The following EBF3 variants were observed in gnomAD, a reference collection of about 807,000 sequenced individuals.
EBF3 encodes EBF transcription factor 3.
In EBF3, 18 loss-of-function variants were observed where a neutral mutation model predicts 77.1. That is an observed-to-expected ratio of 0.23 (90% CI 0.16 to 0.35). EBF3 has a LOEUF of 0.35. EBF3 is among the 10% of genes least tolerant of loss of function. The pLI is 1.00. For missense variants in EBF3, 558 were observed against 860.0 expected, an observed-to-expected ratio of 0.65 and a Z score of 4.39; for synonymous variants, 350 against 343.5, an observed-to-expected ratio of 1.02 and a Z score of -0.21.
chr10:129,925,739 T>C (rs1252342505), intron 6 of EBF3, among the ~76,000 whole-genome samples: 3 of 149,086 alleles, frequency 2.0e-5, no homozygotes, highest in Non-Finnish European at 4.4e-5. Context: ...ACTAAGAAAA[T>C]TGGAAAAAAA....
intron 16 of EBF3, among the ~76,000 whole-genome samples, chr10:129,838,317 AGCCCCCTCTGTCGAGAGAGGT>A (rs1310160996): frequency 6.6e-6 from 1 of 152,244 alleles, no homozygotes; most frequent in African/African-American, 2.4e-5. Context: ...GGAGGCCCGG[AGCCCCCTCTGTCGAGAGAGGT>A]GACCCAGCCT....
chr10:129,949,343 A>T (rs993414878), intron 6 of EBF3, among the ~76,000 whole-genome samples: 3 of 152,052 alleles, frequency 2.0e-5, no homozygotes, highest in African/African-American at 7.2e-5. Flanking sequence ...GAAAAAGAAA[A>T]CTTAGGGGGC....
In EBF3 at chr10:129,842,357, C is replaced by CG; in HGVS notation, c.1195-65dup. Reference sequence around the variant, plus strand: ...GGCCCGGCCCAGCTGGCCGCACTCTCGGGGGCCCACCATGGTGGCATCCCA... The same window carrying CG: ...GGCCCGGCCCAGCTGGCCGCACTCTCGGGGGGCCCACCATGGTGGCATCCCA... On this transcript the variant is annotated intron_variant, in intron 12 of 16. Coordinates refer to ENST00000440978, the MANE Select transcript of EBF3 (RefSeq NM_001375380.1). This position sits in a 1 kb window ranked among gnomAD's most constrained non-coding sequence, Gnocchi z 4.4. The CG allele has an allele frequency of 1.3e-6, 2 of 1,513,648 alleles. No homozygotes were observed. Among genetic ancestry groups the CG allele is most frequent in the Non-Finnish European group, 1.8e-6 (2 of 1,133,732 alleles). The allele number at this position is 1,513,648 out of a possible 1,614,324, so 93.8% of individuals were successfully genotyped here. A position where few individuals can be genotyped will look rare whatever the true frequency, so the allele number is the denominator to read the frequency against.
intron 8 of EBF3, among the ~76,000 whole-genome samples, chr10:129,869,379 C>A (rs1852252160): frequency 6.6e-6 from 1 of 152,148 alleles, no homozygotes; most frequent in South Asian, 2.1e-4. Context: ...AGTGGCTTAA[C>A]CAAGCCACCC....
intron 9 of EBF3, 50 bp from the exon 10 acceptor site, chr10:129,867,317 G>T (rs1220000254): frequency 6.2e-7 from 1 of 1,605,326 alleles, no homozygotes; most frequent in Admixed American, 1.8e-5. Flanking sequence ...GGCTATGAGA[G>T]GCGGACACTT....
At chr10:129,875,407 A>G (rs1318332797) in intron 7 of EBF3, among the ~76,000 whole-genome samples, 1 of 152,068 alleles carries the variant, frequency 6.6e-6, no homozygotes, top group African/African-American at 2.4e-5. Context: ...CATGTTGGCC[A>G]GGCTGGTCTC....
At chr10:129,941,096 CAT>C (rs1025428753) in intron 6 of EBF3, among the ~76,000 whole-genome samples, 1 of 152,202 alleles carries the variant, frequency 6.6e-6, no homozygotes, top group African/African-American at 2.4e-5. Flanking sequence ...TCAGTGACAA[CAT>C]GTGGGAAAAT....
At chr10:129,892,915 G>A (rs993694367) in intron 6 of EBF3, among the ~76,000 whole-genome samples, 5 of 152,232 alleles carry the variant, frequency 3.3e-5, no homozygotes, top group South Asian at 2.1e-4. Context: ...AGGGGAGGGC[G>A]CCGGCAGCCA....
intron 6 of EBF3, among the ~76,000 whole-genome samples, chr10:129,919,874 G>A (rs539166873): frequency 9.9e-5 from 15 of 152,234 alleles, no homozygotes; most frequent in East Asian, 5.8e-4. Flanking sequence ...GCCCAGTGCC[G>A]GGCACCTGTA....
At chr10:129,919,549 C>G (rs1280990374) in intron 6 of EBF3, among the ~76,000 whole-genome samples, 1 of 152,146 alleles carries the variant, frequency 6.6e-6, no homozygotes, top group African/African-American at 2.4e-5. Flanking sequence ...CCCCAGGGGC[C>G]AGCTTAGGAG....
intron 5 of EBF3, 73 bp downstream of exon 5, chr10:129,958,842 GCGGGGTGGCGGCGCCTGGA>G (rs1859247458): frequency 1.4e-6 from 2 of 1,438,708 alleles, no homozygotes; most frequent in Non-Finnish European, 1.8e-6. Context: ...CCGGAGCTGG[GCGGGGTGGCGGCGCCTGGA>G]CGCGGCGTCC....
At position 129,837,593 on chromosome 10, in the gene EBF3, C is replaced by A; in HGVS notation, c.*350G>T. 3.7e-6 allele frequency: 1 copy of A among 269,870 alleles called. No homozygotes were observed. Among genetic ancestry groups the A allele is most frequent in the Non-Finnish European group, 7.0e-6 (1 of 142,616 alleles). 16.7% of individuals were successfully genotyped at this position (269,870 alleles called of 1,614,324 possible). A position where few individuals can be genotyped will look rare whatever the true frequency, so the allele number is the denominator to read the frequency against. On this transcript the variant is annotated 3_prime_UTR_variant, in exon 17 of 17. Coordinates refer to ENST00000440978, the MANE Select transcript of EBF3 (RefSeq NM_001375380.1). ...AATGGTGCATTCACAAAGTTTCTCC[C>A]AACACATAGCAATTACTAGACATGG...
intron 11 of EBF3, among the ~76,000 whole-genome samples, chr10:129,843,606 T>C (rs1000535494): frequency 3.3e-5 from 5 of 152,224 alleles, no homozygotes; most frequent in African/African-American, 7.2e-5. Context: ...CCTAGCACTT[T>C]AGTGGTGAAG....
At chr10:129,956,700 T>C (rs1391996133) in intron 6 of EBF3, among the ~76,000 whole-genome samples, 4 of 152,260 alleles carry the variant, frequency 2.6e-5, no homozygotes, top group Non-Finnish European at 5.9e-5. Flanking sequence ...AACCAGCATG[T>C]GTAATTAGTT....
intron 6 of EBF3, among the ~76,000 whole-genome samples, chr10:129,891,673 G>A (rs530983365): frequency 6.6e-6 from 1 of 152,242 alleles, no homozygotes; most frequent in East Asian, 1.9e-4. Flanking sequence ...AGCAGGCCGC[G>A]CCATCCTTTG....
Position 129,957,248 on chromosome 10 carries a change from T to A in EBF3, c.554+10A>T, listed in dbSNP as rs756058124. On this transcript the variant is annotated intron_variant, in intron 6 of 16. Coordinates refer to ENST00000440978, the MANE Select transcript of EBF3 (RefSeq NM_001375380.1). ...GGTTTTGTTTTGAAAAATAAAGAAG[T>A]CATCCTTACCTGTCAATGATTACAG... The A allele has an allele frequency of 3.3e-5, 52 of 1,592,536 alleles. No homozygotes were observed. Among genetic ancestry groups the A allele is most frequent in the Non-Finnish European group, 4.2e-5 (49 of 1,168,956 alleles).
chr10:129,919,723 G>T, intron 6 of EBF3, among the ~76,000 whole-genome samples: 1 of 152,166 alleles, frequency 6.6e-6, no homozygotes, highest in East Asian at 1.9e-4. Flanking sequence ...AAATAACACT[G>T]GACTGGGGTT....
At position 129,924,836 on chromosome 10, in the gene EBF3, TA is replaced by T. The variant is rs200714647; in HGVS notation, c.554+32421del. On this transcript the variant is annotated intron_variant, in intron 6 of 16. Transcript: ENST00000440978. ...CATGTGCCACCACGCCTGGCTAATT[TA>T]AAAAAAAAATTTGTGAAGATGGAGG... Among the ~76,000 whole-genome samples, 8 of 150,962 alleles carry T rather than the reference TA, an allele frequency of 5.3e-5. No individual in the cohort carries two copies. In the South Asian group the frequency reaches 1.3e-3, roughly 24 times the overall value.
intron 6 of EBF3, among the ~76,000 whole-genome samples, chr10:129,900,534 C>T (rs961461637): frequency 2.6e-5 from 4 of 152,216 alleles, no homozygotes; most frequent in African/African-American, 9.7e-5. Flanking sequence ...TGGCCAGCAC[C>T]GGCCCAAGGT....
Sources: gnomAD v4.1 joint callset for allele counts (sites outside exome capture counted in the v4.1 genomes callset) on GRCh38, gnomAD v4.1.1 for gene constraint, Gnocchi (gnomAD v3.1) non-coding constraint, MANE v1.5 for transcripts, NCBI Gene and HGNC (gene_info 2026-07-23, HGNC 2026-07-21) for gene names.